TRAPPC9: variants seen among roughly 807,000 people sequenced by gnomAD.
TRAPPC9 encodes the protein trafficking protein particle complex subunit 9.
A neutral mutation model predicts 124.0 loss-of-function variants in TRAPPC9; 83 were observed. That is an observed-to-expected ratio of 0.67 (90% CI 0.56 to 0.80). The LOEUF (loss-of-function observed/expected upper bound fraction) is 0.80. Ranked by LOEUF, TRAPPC9 falls within the 30% of genes least tolerant of loss-of-function variation. The pLI is 0.00. For missense variants in TRAPPC9, 1,302 were observed against 1,508.3 expected, an observed-to-expected ratio of 0.86 and a Z score of 2.27; for synonymous variants, 638 against 617.5, an observed-to-expected ratio of 1.03 and a Z score of -0.49.
chr8:140,317,855 C>T (rs369926422), intron 9 of TRAPPC9, among the ~76,000 whole-genome samples: 3 of 151,944 alleles, frequency 2.0e-5, no homozygotes, highest in South Asian at 4.2e-4. Context: ...CATATAATAC[C>T]CTCTTACAAA....
chr8:139,738,764 CCA>C (rs1818364906), intron 21 of TRAPPC9, among the ~76,000 whole-genome samples: 1 of 152,196 alleles, frequency 6.6e-6, no homozygotes, highest in East Asian at 1.9e-4. Flanking sequence ...CCAAGGGGCC[CCA>C]GTCAGCCTCA....
rs116148810 is a variant in TRAPPC9, at chr8:139,775,576, C to T, written c.3056-43374G>A. Among the ~76,000 whole-genome samples the T allele has an allele frequency of 7.1e-3, 1,074 of 152,294 alleles. 20 individuals carry two copies. Among genetic ancestry groups the T allele is most frequent in the African/African-American group, 0.025 (1,019 of 41,562 alleles). On this transcript the variant is annotated intron_variant, in intron 21 of 22. Coordinates refer to ENST00000438773, the MANE Select transcript of TRAPPC9 (RefSeq NM_001160372.4). ...GAAGGGTGTGGGCTAACTGGGGGCA[C>T]GGCGGCAGCCCAGGGCTGAGTCCCG...
Position 140,283,901 on chromosome 8 carries a change from G to A in TRAPPC9, c.2102C>T (p.Thr701Ile), listed in dbSNP as rs1249348549. Residue 701 changes from threonine (T) to isoleucine (I), a missense_variant, in exon 14 of 23, where the codon ACC (threonine) becomes ATC (isoleucine). By Grantham distance (89) the Thr-to-Ile change is moderately conservative. Transcript: ENST00000438773. Reference sequence around the variant, plus strand: ...TCGTGCACACTACCTGGGCAGAGAGGTGCTGATCTGCAGTCTTGGCAACGC... The same window carrying A: ...TCGTGCACACTACCTGGGCAGAGAGATGCTGATCTGCAGTCTTGGCAACGC... ...IPALPRLQISTSLPRSAHSLQ... is the reference protein window; with the variant it reads ...IPALPRLQISISLPRSAHSLQ... 1.2e-6 allele frequency: 2 copies of A among 1,614,096 alleles called. No individual in the cohort carries two copies. Among genetic ancestry groups the A allele is most frequent in the Non-Finnish European group, 1.7e-6 (2 of 1,180,022 alleles).
intron 11 of TRAPPC9, 41 bp from the exon 12 acceptor site, chr8:140,291,119 G>A (rs759270667): frequency 6.4e-7 from 1 of 1,569,366 alleles, no homozygotes; most frequent in Non-Finnish European, 8.8e-7. Flanking sequence ...TGTATTAGTT[G>A]GTATTTTTTC....
intron 7 of TRAPPC9, among the ~76,000 whole-genome samples, chr8:140,385,813 T>C (rs1196519494): frequency 6.6e-6 from 1 of 152,152 alleles, no homozygotes; most frequent in Non-Finnish European, 1.5e-5. Context: ...CCTAACTCAT[T>C]TTATGAGGCC....
chr8:139,938,261 G>A (rs1204383463), intron 19 of TRAPPC9, among the ~76,000 whole-genome samples: 1 of 152,126 alleles, frequency 6.6e-6, no homozygotes, highest in Non-Finnish European at 1.5e-5. Flanking sequence ...AAACCACACA[G>A]TCAGTGGGTC....
chr8:140,433,236 G>A (rs1296615532), intron 4 of TRAPPC9, among the ~76,000 whole-genome samples: 1 of 151,636 alleles, frequency 6.6e-6, no homozygotes, highest in African/African-American at 2.4e-5. Context: ...AGGTTATAGT[G>A]AGCCGAGATC....
At position 139,756,992 on chromosome 8, in the gene TRAPPC9, A is replaced by C. The variant is rs559741482; in HGVS notation, c.3056-24790T>G. On this transcript the variant is annotated intron_variant, in intron 21 of 22. Coordinates refer to ENST00000438773, the MANE Select transcript of TRAPPC9 (RefSeq NM_001160372.4). Reference sequence around the variant, plus strand: ...GAAGCCAGGGTTTGGGGATGAGGACAGCATGTCGCAGGAGGAGCCAGGGTT... The same window carrying C: ...GAAGCCAGGGTTTGGGGATGAGGACCGCATGTCGCAGGAGGAGCCAGGGTT... Among the ~76,000 whole-genome samples the C allele has an allele frequency of 8.1e-5, 11 of 136,262 alleles. No individual in the cohort carries two copies. In the East Asian group the frequency reaches 2.2e-3, roughly 27 times the overall value. The allele number at this position is 136,262 out of a possible 152,430, so 89.4% of individuals were successfully genotyped here.
intron 17 of TRAPPC9, among the ~76,000 whole-genome samples, chr8:140,192,776 T>C (rs575074645): frequency 6.6e-6 from 1 of 152,316 alleles, no homozygotes; most frequent in South Asian, 2.1e-4. Context: ...GCTGTTTGTT[T>C]ATTTAGTTAT....
intron 19 of TRAPPC9, among the ~76,000 whole-genome samples, chr8:139,958,682 A>G (rs1293777675): frequency 6.6e-6 from 1 of 152,122 alleles, no homozygotes; most frequent in Non-Finnish European, 1.5e-5. Flanking sequence ...TAGCCCCAGG[A>G]ACACGGTGTC....
chr8:140,248,272 C>T (rs2064034412), intron 16 of TRAPPC9, among the ~76,000 whole-genome samples: 2 of 152,238 alleles, frequency 1.3e-5, no homozygotes, highest in African/African-American at 4.8e-5. Flanking sequence ...TTCCTTGCTT[C>T]TGCTATCCCA....
chr8:139,874,453 G>A (rs1829191671), intron 21 of TRAPPC9, among the ~76,000 whole-genome samples: 1 of 152,238 alleles, frequency 6.6e-6, no homozygotes, highest in South Asian at 2.1e-4. Flanking sequence ...AAGACACCAT[G>A]CTGGGGGTGG....
rs181686128 is a variant in TRAPPC9 at position 139,923,390 on chromosome 8, G to A, written c.2811-13090C>T. 1.5e-4 allele frequency among the ~76,000 whole-genome samples: 23 copies of A among 152,234 alleles called. No individual in the cohort carries two copies. In the East Asian group the frequency reaches 1.9e-3, roughly 13 times the overall value. ...TGCCATGCCGTGGGTTTCTTCCGGC[G>A]CCCCATCTGAACACATGGGAGCTGC... On this transcript the variant is annotated intron_variant, in intron 19 of 22. Transcript: ENST00000438773.
intron 11 of TRAPPC9, among the ~76,000 whole-genome samples, chr8:140,294,429 C>T (rs535057767): frequency 4.6e-5 from 7 of 151,942 alleles, no homozygotes; most frequent in Admixed American, 2.0e-4. Flanking sequence ...AAGTGGCTAA[C>T]GTCTGGTAAT....
chr8:140,097,492 CG>C lies in TRAPPC9; in HGVS notation c.2557-73414del, dbSNP rs1394537449. 2.0e-5 allele frequency: 3 copies of C among 152,314 alleles called. No individual in the cohort carries two copies. Among genetic ancestry groups the C allele is most frequent in the Non-Finnish European group, 4.4e-5 (3 of 68,148 alleles). The allele number at this position is 152,314 out of a possible 1,614,324, so 9.4% of individuals were successfully genotyped here. A position where few individuals can be genotyped will look rare whatever the true frequency, so the allele number is the denominator to read the frequency against. On this transcript the variant is annotated intron_variant, in intron 17 of 22. Coordinates refer to ENST00000438773, the MANE Select transcript of TRAPPC9 (RefSeq NM_001160372.4). The surrounding 1 kb of genome is among the most constrained non-coding windows in gnomAD (Gnocchi z 4.2). ...GTTGCCAGTCGCAGGGTAATACACT[CG>C]CCTGCATCGTGGGTGCCCCGCCACC... is the stretch of plus-strand genomic sequence containing the variant.
chr8:140,254,899 GAAGACCCAGAAGTGA>G (rs1194533678), intron 15 of TRAPPC9, among the ~76,000 whole-genome samples: 2 of 152,218 alleles, frequency 1.3e-5, no homozygotes, highest in African/African-American at 4.8e-5. Context: ...GTCCTGGTCG[GAAGACCCAGAAGTGA>G]ACCTCACAGG....
intron 21 of TRAPPC9, among the ~76,000 whole-genome samples, chr8:139,795,151 C>A (rs1822962376): frequency 6.6e-6 from 1 of 152,218 alleles, no homozygotes; most frequent in Non-Finnish European, 1.5e-5. Context: ...ACTGCCAGCC[C>A]AGGTCCCCCA....
chr8:139,993,407 G>C (rs191440139), intron 18 of TRAPPC9, among the ~76,000 whole-genome samples: 2 of 152,306 alleles, frequency 1.3e-5, no homozygotes, highest in Admixed American at 6.5e-5. Flanking sequence ...AAGCGTCCCA[G>C]TACCAAGAGT....
chr8:140,157,348 AAGCCTCCCTTTTCCATTCAG>A (rs2061670830), intron 17 of TRAPPC9, among the ~76,000 whole-genome samples: 1 of 117,810 alleles, frequency 8.5e-6, no homozygotes, highest in African/African-American at 3.5e-5. Flanking sequence ...TTCCATTCAG[AAGCCTCCCTTTTCCATTCAG>A]AAGCCTCCCT....
Sources: allele counts gnomAD v4.1 joint callset (sites outside exome capture counted in the v4.1 genomes callset), GRCh38; gene constraint gnomAD v4.1.1; non-coding constraint Gnocchi (gnomAD v3.1); transcripts MANE v1.5; gene names NCBI Gene and HGNC (gene_info 2026-07-23, HGNC 2026-07-21).